PTPRN2: variants seen among roughly 807,000 people sequenced by gnomAD.
PTPRN2 encodes protein tyrosine phosphatase receptor type N2.
A neutral mutation model predicts 118.8 loss-of-function variants in PTPRN2; 74 were observed. That is an observed-to-expected ratio of 0.62 (90% confidence interval 0.52 to 0.76). The LOEUF (loss-of-function observed/expected upper bound fraction) is 0.76. Among genes scored for constraint, PTPRN2 ranks in the 30% least tolerant of loss-of-function variants. PTPRN2 has a pLI of 0.00. For synonymous variants in PTPRN2, 641 were observed against 608.0 expected (o/e 1.05, Z -0.80); for missense variants, 1,481 against 1,394.4 (o/e 1.06, Z -0.99).
chr7:158,371,459 T>A (rs1289395820), intron 2 of PTPRN2, among the ~76,000 whole-genome samples: 1 of 152,192 alleles, frequency 6.6e-6, no homozygotes, highest in African/African-American at 2.4e-5. Flanking sequence ...ACCAATAAAA[T>A]TCATAAAAGA....
At chr7:157,572,497 C>A in intron 19 of PTPRN2, among the ~76,000 whole-genome samples, 1 of 152,216 alleles carries the variant, frequency 6.6e-6, no homozygotes, top group East Asian at 1.9e-4. Context: ...TGCTACAAAC[C>A]TTTGAAGCCA....
chr7:157,903,879 A>G lies in PTPRN2; in HGVS notation c.1724-5142T>C, dbSNP rs961715293. Among the ~76,000 whole-genome samples, 8 of 152,150 alleles carry G rather than the reference A, an allele frequency of 5.3e-5. No individual in the cohort carries two copies. The highest frequency in any genetic ancestry group is 1.0e-4 in the Non-Finnish European group (7 of 68,026). Reference sequence around the variant, plus strand: ...CTGTGGATTTCCATGCACGCTTCACAAGCAGCTGTGAGGACCACGTGGGAG... The same window carrying G: ...CTGTGGATTTCCATGCACGCTTCACGAGCAGCTGTGAGGACCACGTGGGAG... On this transcript the variant is annotated intron_variant, in intron 11 of 22. Transcript: ENST00000389418. The surrounding 1 kb of genome is among the most constrained non-coding windows in gnomAD (Gnocchi z 4.2).
rs200536575 is a variant in PTPRN2, at chr7:157,927,106, C to T, written c.1724-28369G>A. ...CCGAAGACAGGAAGCCCCAGGGACC[C>T]GTCTGAGAACAGAGGCCTCGCATCT... On this transcript the variant is annotated intron_variant, in intron 11 of 22. Transcript: ENST00000389418. 5.0e-4 allele frequency among the ~76,000 whole-genome samples: 51 copies of T among 102,876 alleles called. 1 individual carries two copies. Among genetic ancestry groups the T allele is most frequent in the East Asian group, 1.9e-3 (6 of 3,216 alleles). 67.5% of individuals were successfully genotyped at this position (102,876 alleles called of 152,430 possible).
chr7:157,735,564 C>T (rs998217949), intron 12 of PTPRN2, among the ~76,000 whole-genome samples: 1 of 152,192 alleles, frequency 6.6e-6, no homozygotes, highest in Non-Finnish European at 1.5e-5. Flanking sequence ...AGTAATTGAG[C>T]TTTCTCAAAA....
chr7:158,353,682 GAACA>G (rs1275927319), intron 2 of PTPRN2, among the ~76,000 whole-genome samples: 2 of 152,130 alleles, frequency 1.3e-5, no homozygotes, highest in Non-Finnish European at 1.5e-5. Context: ...GAAAAACCCC[GAACA>G]GACAGACAGC....
At chr7:157,917,574 A>T (rs1232046607) in intron 11 of PTPRN2, among the ~76,000 whole-genome samples, 1 of 152,188 alleles carries the variant, frequency 6.6e-6, no homozygotes. Context: ...TCATTTTTCA[A>T]ATTATTTTAA....
chr7:157,822,888 C>T (rs1353219152), intron 12 of PTPRN2, among the ~76,000 whole-genome samples: 1 of 151,952 alleles, frequency 6.6e-6, no homozygotes, highest in African/African-American at 2.4e-5. Context: ...TCTCATCCAT[C>T]AGCCAATCTG....
At chr7:157,751,111 C>T (rs1801437145) in intron 12 of PTPRN2, among the ~76,000 whole-genome samples, 1 of 152,206 alleles carries the variant, frequency 6.6e-6, no homozygotes, top group Non-Finnish European at 1.5e-5. Flanking sequence ...CGAGGAGGCT[C>T]CCGACGCCCA....
At chr7:158,347,268 T>C (rs889033703) in intron 2 of PTPRN2, among the ~76,000 whole-genome samples, 1 of 152,232 alleles carries the variant, frequency 6.6e-6, no homozygotes, top group African/African-American at 2.4e-5. Flanking sequence ...TTTTGAGTTT[T>C]TGTATGTGGT....
chr7:157,901,845 T>C (rs1247396223), intron 11 of PTPRN2, among the ~76,000 whole-genome samples: 14 of 132,078 alleles, frequency 1.1e-4, no homozygotes, highest in African/African-American at 4.4e-4. Flanking sequence ...GGTTCTGAAG[T>C]GGGACCTTCC....
chr7:158,064,319 T>C (rs1810589844), intron 11 of PTPRN2, among the ~76,000 whole-genome samples: 1 of 152,142 alleles, frequency 6.6e-6, no homozygotes, highest in Non-Finnish European at 1.5e-5. Context: ...ATGCACAGCA[T>C]TCTCCTGGGG....
intron 20 of PTPRN2, 34 bp from the exon 21 acceptor site, chr7:157,569,000 C>G (rs372883822): frequency 2.0e-6 from 3 of 1,524,870 alleles, no homozygotes; most frequent in Admixed American, 3.3e-5. Flanking sequence ...AAAGTGCTGC[C>G]GTCCACACGG....
chr7:158,133,524 C>T (rs975283330), intron 9 of PTPRN2, among the ~76,000 whole-genome samples, 153 bp downstream of exon 9: 8 of 152,214 alleles, frequency 5.3e-5, no homozygotes, highest in African/African-American at 1.7e-4. Context: ...CTGCCCTCCG[C>T]GCCTGAGACT....
At chr7:158,539,048 GCAGATTC>G (rs1182646176) in intron 1 of PTPRN2, among the ~76,000 whole-genome samples, 2 of 152,104 alleles carry the variant, frequency 1.3e-5, no homozygotes. Flanking sequence ...AACGACAACT[GCAGATTC>G]CAAGGTGTTT....
At chr7:158,539,181 G>A (rs927363370) in intron 1 of PTPRN2, among the ~76,000 whole-genome samples, 6 of 152,166 alleles carry the variant, frequency 3.9e-5, no homozygotes, top group Non-Finnish European at 8.8e-5. Flanking sequence ...ATCTAAAAAT[G>A]GAACTATGAA....
At position 158,171,075 on chromosome 7, in the gene PTPRN2, CACAT is replaced by C. The variant is rs1203997101; in HGVS notation, c.550-3788_550-3785del. Among the ~76,000 whole-genome samples, 9 of 64,458 alleles carry C rather than the reference CACAT, an allele frequency of 1.4e-4. 1 individual carries two copies. The Admixed American group carries it at 2.1e-3, about 15-fold the overall frequency. 42.3% of individuals were successfully genotyped at this position (64,458 alleles called of 152,430 possible). On this transcript the variant is annotated intron_variant, in intron 5 of 22. Coordinates refer to ENST00000389418, the MANE Select transcript of PTPRN2 (RefSeq NM_002847.5). ...TATACACATATATACACATTATATA[CACAT>C]ATATATACACACATATATATATACA...
intron 11 of PTPRN2, among the ~76,000 whole-genome samples, chr7:157,984,639 A>G (rs1803630048): frequency 6.6e-6 from 1 of 152,052 alleles, no homozygotes; most frequent in Non-Finnish European, 1.5e-5. Context: ...GCTGACTCTC[A>G]GTCCTGCTCT....
rs1238994064 is a variant in PTPRN2, at chr7:157,596,297, G to C, written c.2419-982C>G. Among the ~76,000 whole-genome samples the C allele has an allele frequency of 2.0e-5, 3 of 152,214 alleles. No individual in the cohort carries two copies. The highest frequency in any genetic ancestry group is 7.2e-5 in the African/African-American group (3 of 41,452). ...TCAGCCTGGGCCTGGGTCTGTGGCA[G>C]AGCCGGGGCGGAAGGGCCTTGCTGG... On this transcript the variant is annotated intron_variant, in intron 16 of 22. Transcript: ENST00000389418. This position sits in a 1 kb window ranked among gnomAD's most constrained non-coding sequence, Gnocchi z 4.2.
Position 158,489,732 on chromosome 7 carries a change from C to T in PTPRN2, c.163+3G>A. 1 of 1,579,194 alleles carries T rather than the reference C, an allele frequency of 6.3e-7. No individual in the cohort carries two copies. Among genetic ancestry groups the T allele is most frequent in the Non-Finnish European group, 8.6e-7 (1 of 1,163,972 alleles). ...GGCGCAGCAGCCAGGACCCCACACT[C>T]ACCGTTCACACAGGCCTCGGACGCT... On this transcript the variant is annotated splice_donor_region_variant and intron_variant, in intron 2 of 22. Transcript: ENST00000389418.
Sources: gnomAD v4.1 joint callset for allele counts (sites outside exome capture counted in the v4.1 genomes callset) on GRCh38, gnomAD v4.1.1 for gene constraint, Gnocchi (gnomAD v3.1) non-coding constraint, MANE v1.5 for transcripts, NCBI Gene and HGNC (gene_info 2026-07-23, HGNC 2026-07-21) for gene names.